The following HEATR5A variants were observed in gnomAD, a reference collection of about 807,000 sequenced individuals.
HEATR5A encodes the protein HEAT repeat containing 5A, also known as HEAT repeat-containing protein 5A.
Under a neutral mutation model 218.8 loss-of-function variants are expected in HEATR5A, and 178 were observed. The ratio of observed to expected loss-of-function variants is 0.81; its 90% CI spans 0.72 to 0.92. The LOEUF is 0.92. Ranked by LOEUF, HEATR5A falls within the 40% of genes least tolerant of loss-of-function variation. HEATR5A has a pLI of 0.00. For missense variants in HEATR5A, 2,420 were observed against 2,418.9 expected (o/e 1.00, Z -0.01); for synonymous variants, 864 against 871.6 (o/e 0.99, Z 0.15).
chr14:31,321,125 C>T (rs1487951993), intron 25 of HEATR5A, among the ~76,000 whole-genome samples: 2 of 151,604 alleles, frequency 1.3e-5, no homozygotes, highest in Non-Finnish European at 2.9e-5. Flanking sequence ...CCCCTTTCTT[C>T]TTCCTCTTTT....
Position 31,293,320 on chromosome 14 carries a change from C to T in HEATR5A, c.6126G>A (p.Lys2042=). 2 of 1,587,904 alleles carry T rather than the reference C, an allele frequency of 1.3e-6. No homozygotes were observed. The highest frequency in any genetic ancestry group is 1.2e-5 in the South Asian group (1 of 85,228). The part of the protein sequence containing the change: ...SPGKNSSIQL[K]TSFL Reference sequence around the variant, plus strand: ...AAAAAAAAAATCAGAGGAAACTGGTCTTTAATTGGATGCTTGAGTTTTTTC... The same window carrying T: ...AAAAAAAAAATCAGAGGAAACTGGTTTTTAATTGGATGCTTGAGTTTTTTC... Residue 2042 remains lysine, a synonymous_variant, in exon 36 of 36, where the codon AAG becomes AAA. Transcript: ENST00000543095.
chr14:31,388,689 T>A (rs1212080003), intron 7 of HEATR5A, among the ~76,000 whole-genome samples, 156 bp downstream of exon 7: 4 of 152,078 alleles, frequency 2.6e-5, no homozygotes, highest in Admixed American at 2.6e-4. Flanking sequence ...CAACCTAGTT[T>A]AAAAAAAATG....
Position 31,358,720 on chromosome 14 carries a change from CTTAGG to C in HEATR5A, c.2323_2327del (p.Pro775AlafsTer10). The C allele has an allele frequency of 6.2e-7, 1 of 1,613,876 alleles. No individual in the cohort carries two copies. Among genetic ancestry groups the C allele is most frequent in the Non-Finnish European group, 8.5e-7 (1 of 1,179,858 alleles). The stretch of plus-strand genomic sequence containing the variant: ...TAACTGATAGTGCTGGAGGTAAGGG[CTTAGG>C]CACTGAATCTCCCTCTACATCTTTC... On this transcript the variant is annotated frameshift_variant, in exon 16 of 36. Coordinates refer to ENST00000543095, the MANE Select transcript of HEATR5A (RefSeq NM_015473.4). LOFTEE classifies it high-confidence loss of function.
chr14:31,416,027 T>C (rs572747835), intron 1 of HEATR5A, among the ~76,000 whole-genome samples: 1 of 152,072 alleles, frequency 6.6e-6, no homozygotes, highest in Non-Finnish European at 1.5e-5. Context: ...CTCAGCTCGC[T>C]GCAACCTCTA....
chr14:31,409,189 A>G (rs943755304), intron 1 of HEATR5A, among the ~76,000 whole-genome samples: 1 of 148,936 alleles, frequency 6.7e-6, no homozygotes, highest in Non-Finnish European at 1.5e-5. Context: ...CTGGGACTAC[A>G]GGCACATGCC....
At chr14:31,414,892 G>A (rs945347138) in intron 1 of HEATR5A, among the ~76,000 whole-genome samples, 8 of 152,100 alleles carry the variant, frequency 5.3e-5, no homozygotes, top group Non-Finnish European at 1.2e-4. Flanking sequence ...CCCAGCTGGA[G>A]AGCAGTGGCA....
intron 28 of HEATR5A, among the ~76,000 whole-genome samples, chr14:31,309,603 T>A (rs1377877790): frequency 6.6e-6 from 1 of 152,122 alleles, no homozygotes; most frequent in East Asian, 1.9e-4. Flanking sequence ...TATAATTTAA[T>A]CATAAACATT....
At chr14:31,377,012 C>T (rs1902252872) in intron 11 of HEATR5A, among the ~76,000 whole-genome samples, 1 of 151,672 alleles carries the variant, frequency 6.6e-6, no homozygotes, top group Admixed American at 6.6e-5. Context: ...ATAGTCCTAG[C>T]TACTCATGAG....
At chr14:31,394,745 G>T (rs1464877735) in intron 5 of HEATR5A, among the ~76,000 whole-genome samples, 1 of 152,122 alleles carries the variant, frequency 6.6e-6, no homozygotes, top group Non-Finnish European at 1.5e-5. Context: ...GTGAACCCGG[G>T]AGGCAGAGCT....
At chr14:31,308,229 C>G (rs1376125338) in intron 29 of HEATR5A, among the ~76,000 whole-genome samples, 1 of 151,976 alleles carries the variant, frequency 6.6e-6, no homozygotes, top group African/African-American at 2.4e-5. Flanking sequence ...TAATCTATGC[C>G]GGGCATGGTG....
In HEATR5A at chr14:31,313,184, T is replaced by C; in HGVS notation, c.4225A>G (p.Ile1409Val). The change falls in exon 28 of 36, where the codon ATA becomes GTA. Residue 1409 changes from isoleucine (I) to valine (V), a missense_variant. Ile to Val is a conservative substitution (Grantham distance 29, BLOSUM62 3). Coordinates refer to ENST00000543095, the MANE Select transcript of HEATR5A (RefSeq NM_015473.4). ...TTTTTATGTCTTTGCACAGCAATTA[T>C]GTAGACCTGTTAAAGGTTAATTTAA... The part of the protein sequence containing the change: ...AVLKAWAEVY[I>V]IAVQRHKNHR... 4 of 1,609,718 alleles carry C rather than the reference T, an allele frequency of 2.5e-6. No homozygotes were observed. Among genetic ancestry groups the C allele is most frequent in the African/African-American group, 1.3e-5 (1 of 74,972 alleles).
intron 25 of HEATR5A, 112 bp downstream of exon 25, chr14:31,321,387 C>A: frequency 1.4e-6 from 1 of 722,814 alleles, no homozygotes; most frequent in Non-Finnish European, 2.2e-6. Context: ...AGCTACCTAC[C>A]CGCCTTGGCC....
At chr14:31,375,746 C>T (rs898678808) in intron 11 of HEATR5A, among the ~76,000 whole-genome samples, 7 of 151,618 alleles carry the variant, frequency 4.6e-5, no homozygotes, top group African/African-American at 1.7e-4. Context: ...TGTTCCAGGT[C>T]AATAATCAGA....
rs1566743279 is a variant in HEATR5A, at chr14:31,293,626, A to T, written c.5834-14T>A. ...CCAGCTGAGCGCCTAGAAAGTAAACAAATAATATAAGTTCAGTGACATAAA... is the reference window on the plus strand; with the variant it reads ...CCAGCTGAGCGCCTAGAAAGTAAACTAATAATATAAGTTCAGTGACATAAA... On this transcript the variant is annotated splice_polypyrimidine_tract_variant and intron_variant, in intron 35 of 35. Coordinates refer to ENST00000543095, the MANE Select transcript of HEATR5A (RefSeq NM_015473.4). 6.3e-7 allele frequency: 1 copy of T among 1,580,614 alleles called. No homozygotes were observed. Among genetic ancestry groups the T allele is most frequent in the Non-Finnish European group, 8.6e-7 (1 of 1,167,426 alleles).
chr14:31,302,652 CTG>C, intron 32 of HEATR5A, 133 bp from the exon 33 acceptor site: 1 of 638,706 alleles, frequency 1.6e-6, no homozygotes, highest in South Asian at 2.1e-5. Flanking sequence ...AGAATTATAA[CTG>C]TTAAGATAAT....
At chr14:31,313,705 C>G (rs1899829405) in intron 27 of HEATR5A, among the ~76,000 whole-genome samples, 1 of 152,140 alleles carries the variant, frequency 6.6e-6, no homozygotes, top group South Asian at 2.1e-4. Context: ...TCTGAAAAAA[C>G]CTAAGTTTTT....
At position 31,309,824 on chromosome 14, in the gene HEATR5A, T is replaced by A. The variant is rs577360093; in HGVS notation, c.4442-642A>T. On this transcript the variant is annotated intron_variant, in intron 28 of 35. Transcript: ENST00000543095. ...TTCAAGCGATTCTCCCGCCTCAGCC[T>A]CCTGAGTAGCTGGGACCACAGGTGT... Among the ~76,000 whole-genome samples the A allele has an allele frequency of 2.0e-5, 3 of 152,096 alleles. No homozygotes were observed. In the South Asian group the frequency reaches 6.2e-4, roughly 32 times the overall value.
intron 2 of HEATR5A, 21 bp from the exon 3 acceptor site, chr14:31,400,533 A>G (rs1300097281): frequency 7.0e-7 from 1 of 1,436,380 alleles, no homozygotes; most frequent in Non-Finnish European, 9.4e-7. Flanking sequence ...AGATAACACA[A>G]AGACAATTCA....
intron 22 of HEATR5A, among the ~76,000 whole-genome samples, chr14:31,331,145 GA>G (rs1456802008): frequency 6.6e-6 from 1 of 151,868 alleles, no homozygotes; most frequent in Non-Finnish European, 1.5e-5. Flanking sequence ...TTCATCATTT[GA>G]CCAGGCTGGT....
Sources: gnomAD v4.1 joint callset for allele counts (sites outside exome capture counted in the v4.1 genomes callset) on GRCh38, gnomAD v4.1.1 for gene constraint, MANE v1.5 for transcripts, NCBI Gene and HGNC (gene_info 2026-07-23, HGNC 2026-07-21) for gene names.